The following RORA variants were observed in gnomAD, a reference collection of about 807,000 sequenced individuals.
The protein encoded by RORA is nuclear receptor ROR-alpha.
Under a neutral mutation model 69.5 loss-of-function variants are expected in RORA, and 7 were observed. That is an observed-to-expected ratio of 0.10 (90% confidence interval 0.06 to 0.19). RORA has a LOEUF of 0.19. Among genes scored for constraint, RORA ranks in the 10% least tolerant of loss-of-function variants. The pLI is 1.00. For missense variants in RORA, 457 were observed against 663.0 expected, an observed-to-expected ratio of 0.69 and a Z score of 3.41; for synonymous variants, 261 against 240.8, an observed-to-expected ratio of 1.08 and a Z score of -0.78.
rs148753334 is a variant in RORA at position 61,020,612 on chromosome 15, C to A, written c.166+208441G>T. Among the ~76,000 whole-genome samples, 1,110 of 152,318 alleles carry A rather than the reference C, an allele frequency of 7.3e-3. 11 individuals are homozygous for A. Among genetic ancestry groups the A allele is most frequent in the African/African-American group, 0.026 (1,064 of 41,552 alleles). On this transcript the variant is annotated intron_variant, in intron 1 of 10. Coordinates refer to ENST00000335670, the MANE Select transcript of RORA (RefSeq NM_134261.3). ...TCCAAAACCTTCACCCTCAGAGAGA[C>A]TGATCAAAGAATATCAACAAAAGGC... is the stretch of plus-strand genomic sequence containing the variant.
At chr15:60,523,211 T>G (rs900805858) in intron 3 of RORA, among the ~76,000 whole-genome samples, 4 of 152,228 alleles carry the variant, frequency 2.6e-5, no homozygotes, top group African/African-American at 9.6e-5. Flanking sequence ...ATGTCATTGT[T>G]GGCGAATGAA....
At chr15:60,942,281 A>G (rs1892723844) in intron 1 of RORA, among the ~76,000 whole-genome samples, 2 of 152,194 alleles carry the variant, frequency 1.3e-5, no homozygotes. Flanking sequence ...CTCAAGGCCA[A>G]GGCTGCCTCG....
At chr15:60,785,872 T>C (rs2072327574) in intron 1 of RORA, among the ~76,000 whole-genome samples, 1 of 152,254 alleles carries the variant, frequency 6.6e-6, no homozygotes, top group Non-Finnish European at 1.5e-5. Context: ...TTGGTGGCAA[T>C]CTGACAAGCT....
At chr15:60,562,435 G>A (rs55731630) in intron 2 of RORA, among the ~76,000 whole-genome samples, 6 of 148,152 alleles carry the variant, frequency 4.0e-5, no homozygotes, top group South Asian at 2.2e-4. Context: ...CGGGGTTGGG[G>A]GGGGGTTGCT....
intron 1 of RORA, among the ~76,000 whole-genome samples, chr15:60,942,990 T>C (rs1343935728): frequency 6.6e-6 from 1 of 152,264 alleles, no homozygotes; most frequent in Non-Finnish European, 1.5e-5. Flanking sequence ...CTTCATAGAA[T>C]GGTTGAATAA....
intron 1 of RORA, among the ~76,000 whole-genome samples, chr15:61,026,422 T>C (rs559641731): frequency 5.8e-4 from 89 of 152,238 alleles, no homozygotes; most frequent in Non-Finnish European, 1.1e-3. Context: ...CTGTTCACTT[T>C]TTATACAAAG....
At chr15:61,053,331 A>C (rs1317459330) in intron 1 of RORA, among the ~76,000 whole-genome samples, 1 of 150,762 alleles carries the variant, frequency 6.6e-6, no homozygotes, top group African/African-American at 2.4e-5. Context: ...GGGAGACTCC[A>C]TGGTAGCCTA....
chr15:61,220,115 T>C (rs967389063), intron 1 of RORA, among the ~76,000 whole-genome samples: 7 of 152,192 alleles, frequency 4.6e-5, no homozygotes, highest in Non-Finnish European at 1.0e-4. Context: ...CCAGAAATGG[T>C]AAAATACAAC....
chr15:60,948,486 A>C (rs967932271), intron 1 of RORA, among the ~76,000 whole-genome samples: 2 of 152,238 alleles, frequency 1.3e-5, no homozygotes, highest in Non-Finnish European at 2.9e-5. Context: ...AAAATAGATG[A>C]AGTTCCCAGC....
intron 1 of RORA, among the ~76,000 whole-genome samples, chr15:60,929,911 G>A (rs28498795): frequency 6.6e-6 from 1 of 152,042 alleles, no homozygotes; most frequent in African/African-American, 2.4e-5. Flanking sequence ...GCCTTCAGAC[G>A]CATATGGTTT....
rs540643633 is a variant in RORA at position 60,730,390 on chromosome 15, C to T, written c.167-51704G>A. On this transcript the variant is annotated intron_variant, in intron 1 of 10. Coordinates refer to ENST00000335670, the MANE Select transcript of RORA (RefSeq NM_134261.3). Reference sequence around the variant, plus strand: ...GTCTTAACCTTTCATAGCCTGATTTCTTTTGTGGTTGTCTTATCGTTCAAT... The same window carrying T: ...GTCTTAACCTTTCATAGCCTGATTTTTTTTGTGGTTGTCTTATCGTTCAAT... 4.6e-5 allele frequency among the ~76,000 whole-genome samples: 7 copies of T among 152,292 alleles called. No individual in the cohort carries two copies. The South Asian group carries it at 1.5e-3, about 32-fold the overall frequency.
chr15:60,707,318 G>T (rs1364297496), intron 1 of RORA, among the ~76,000 whole-genome samples: 2 of 149,300 alleles, frequency 1.3e-5, no homozygotes, highest in African/African-American at 4.9e-5. Context: ...AGCATCCATG[G>T]TCATCTATTT....
At chr15:61,190,709 C>T (rs2079790458) in intron 1 of RORA, among the ~76,000 whole-genome samples, 1 of 152,100 alleles carries the variant, frequency 6.6e-6, no homozygotes, top group South Asian at 2.1e-4. Context: ...AATGGCACCA[C>T]TGCACTCCAG....
At chr15:60,989,976 T>A (rs1296179273) in intron 1 of RORA, among the ~76,000 whole-genome samples, 1 of 151,938 alleles carries the variant, frequency 6.6e-6, no homozygotes, top group Non-Finnish European at 1.5e-5. Context: ...AATTCTGTGA[T>A]TAATTATTTT....
intron 8 of RORA, among the ~76,000 whole-genome samples, chr15:60,501,704 A>C (rs1043405504): frequency 2.0e-5 from 3 of 152,314 alleles, no homozygotes; most frequent in African/African-American, 7.2e-5. Flanking sequence ...TCTGGTGGTA[A>C]AACTATTATA....
chr15:60,590,170 C>CCT (rs1426237027), intron 2 of RORA, among the ~76,000 whole-genome samples: 18 of 101,570 alleles, frequency 1.8e-4, no homozygotes, highest in South Asian at 3.0e-4. Flanking sequence ...TCTCCCTCTT[C>CCT]CTCTATCTCT....
intron 2 of RORA, chr15:60,592,805 C>T (rs2068574763): frequency 1.6e-6 from 1 of 610,192 alleles, no homozygotes; most frequent in Non-Finnish European, 2.6e-6. Flanking sequence ...CCTTCGGGAT[C>T]ACCTGTGGCC....
chr15:61,190,615 T>TAAGGGAGGCTATGGGAGG (rs1567030580), intron 1 of RORA, among the ~76,000 whole-genome samples: 2 of 152,074 alleles, frequency 1.3e-5, no homozygotes, highest in Non-Finnish European at 2.9e-5. Context: ...ACAATGGGAG[T>TAAGGGAGGCTATGGGAGG]CTAAGGGAGG....
intron 1 of RORA, among the ~76,000 whole-genome samples, chr15:60,731,316 C>T (rs2071426069): frequency 1.3e-5 from 2 of 152,192 alleles, no homozygotes; most frequent in Non-Finnish European, 2.9e-5. Flanking sequence ...TAAGCCTTCT[C>T]TTTAAACATG....
Sources: gnomAD v4.1 joint callset for allele counts (sites outside exome capture counted in the v4.1 genomes callset) on GRCh38, gnomAD v4.1.1 for gene constraint, MANE v1.5 for transcripts, NCBI Gene and HGNC (gene_info 2026-07-23, HGNC 2026-07-21) for gene names.